Variants in SCN10A observed in about 807,000 individuals in gnomAD.
SCN10A encodes the protein sodium channel protein type 10 subunit alpha.
Under a neutral mutation model 170.7 loss-of-function variants are expected in SCN10A, and 162 were observed. The ratio of observed to expected loss-of-function variants is 0.95; its 90% CI spans 0.84 to 1.08. The LOEUF (loss-of-function observed/expected upper bound fraction) is 1.08. Ranked by LOEUF, SCN10A falls within the 50% of genes least tolerant of loss-of-function variation. The pLI, the probability that SCN10A is intolerant of heterozygous loss-of-function variation, is 0.00. For missense variants in SCN10A, 2,527 were observed against 2,436.9 expected, an observed-to-expected ratio of 1.04 and a Z score of -0.78; for synonymous variants, 985 against 904.6, an observed-to-expected ratio of 1.09 and a Z score of -1.59.
intron 20 of SCN10A, among the ~76,000 whole-genome samples, 167 bp downstream of exon 20, chr3:38,722,091 C>T (rs2063395662): frequency 6.6e-6 from 1 of 152,250 alleles, no homozygotes. Context: ...CCATGCTCTG[C>T]TGCTAAGAGG....
At chr3:38,708,735 G>A (rs1490653228) in intron 25 of SCN10A, among the ~76,000 whole-genome samples, 1 of 152,144 alleles carries the variant, frequency 6.6e-6, no homozygotes, top group Admixed American at 6.5e-5. Flanking sequence ...TTGAATGAAT[G>A]AGAAAACTGA....
chr3:38,812,399 T>A (rs980253094), intron 1 of SCN10A, among the ~76,000 whole-genome samples: 4 of 152,184 alleles, frequency 2.6e-5, no homozygotes, highest in Non-Finnish European at 5.9e-5. Flanking sequence ...AGGTAATGAA[T>A]AAAAATATTA....
chr3:38,752,223 A>G lies in SCN10A; in HGVS notation c.1751T>C (p.Val584Ala). 1.3e-6 allele frequency: 2 copies of G among 1,514,548 alleles called. No individual in the cohort carries two copies. Among genetic ancestry groups the G allele is most frequent in the Non-Finnish European group, 1.8e-6 (2 of 1,130,644 alleles). The allele number at this position is 1,514,548 out of a possible 1,614,324, so 93.8% of individuals were successfully genotyped here. A position where few individuals can be genotyped will look rare whatever the true frequency, so the allele number is the denominator to read the frequency against. Residue 584 changes from valine (V) to alanine (A), a missense_variant, in exon 12 of 28, where the codon GTC becomes GCC. Coordinates refer to ENST00000449082, the MANE Select transcript of SCN10A (RefSeq NM_006514.4). ...TSELAPGAVD[V>A]SAFDAGQKKT... ...CTGAAGCATTCACAAACTCACCGAG[A>G]CATCGACAGCTCCAGGGGCAAGCTC... is the stretch of plus-strand genomic sequence containing the variant.
intron 27 of SCN10A, among the ~76,000 whole-genome samples, chr3:38,700,380 A>G (rs912395638): frequency 2.6e-5 from 4 of 152,208 alleles, no homozygotes; most frequent in African/African-American, 9.6e-5. Context: ...CATAGTCCCT[A>G]TAGTTAGCAA....
chr3:38,711,953 A>G (rs1433961890), intron 23 of SCN10A, among the ~76,000 whole-genome samples: 1 of 152,120 alleles, frequency 6.6e-6, no homozygotes, highest in African/African-American at 2.4e-5. Flanking sequence ...ACTAGCCCAC[A>G]CTTGTGTAAT....
chr3:38,745,541 C>T (rs1010807553), intron 13 of SCN10A, among the ~76,000 whole-genome samples: 1 of 152,164 alleles, frequency 6.6e-6, no homozygotes, highest in African/African-American at 2.4e-5. Flanking sequence ...CTCCCTAGTG[C>T]CATCTTACTA....
chr3:38,726,505 T>G, intron 17 of SCN10A, 101 bp downstream of exon 17: 1 of 955,774 alleles, frequency 1.0e-6, no homozygotes, highest in Non-Finnish European at 1.5e-6. Flanking sequence ...TTAAACTTCT[T>G]TATGTCAAGG....
chr3:38,719,440 C>T (rs946774289), intron 20 of SCN10A, among the ~76,000 whole-genome samples: 1 of 121,738 alleles, frequency 8.2e-6, no homozygotes, highest in South Asian at 3.0e-4. Context: ...GTCGCCCAGG[C>T]TGGAGTGCAG....
At chr3:38,805,453 C>G (rs2064399455) in intron 1 of SCN10A, among the ~76,000 whole-genome samples, 1 of 152,100 alleles carries the variant, frequency 6.6e-6, no homozygotes, top group Non-Finnish European at 1.5e-5. Context: ...CCTGGTTTTG[C>G]AGATGTGACC....
Position 38,715,809 on chromosome 3 carries a change from G to A in SCN10A, c.3682-1729C>T, listed in dbSNP as rs142540598. 8.9e-4 allele frequency among the ~76,000 whole-genome samples: 135 copies of A among 152,338 alleles called. 1 individual carries two copies. The highest frequency in any genetic ancestry group is 1.0e-4 in the Non-Finnish European group (7 of 68,040). On this transcript the variant is annotated intron_variant, in intron 21 of 27. Transcript: ENST00000449082. The stretch of plus-strand genomic sequence containing the variant: ...TATTTCCATGTGTGTCTTGTCTGCT[G>A]AAAGACTAAAGTGTAAGATCCTGGA...
At chr3:38,764,999 T>C (rs921009556) in intron 5 of SCN10A, among the ~76,000 whole-genome samples, 2 of 152,190 alleles carry the variant, frequency 1.3e-5, no homozygotes, top group Admixed American at 6.6e-5. Flanking sequence ...TGGCCATTTA[T>C]ATATCTTCTT....
At chr3:38,781,610 G>A (rs180755356) in intron 4 of SCN10A, among the ~76,000 whole-genome samples, 1 of 152,154 alleles carries the variant, frequency 6.6e-6, no homozygotes, top group East Asian at 1.9e-4. Context: ...ATAACCAGCG[G>A]GATGCAGAAA....
intron 5 of SCN10A, among the ~76,000 whole-genome samples, chr3:38,764,769 T>C (rs1241585446): frequency 6.6e-6 from 1 of 152,248 alleles, no homozygotes; most frequent in African/African-American, 2.4e-5. Flanking sequence ...GTTCTACTTT[T>C]AGTTCTTTAA....
Position 38,712,449 on chromosome 3 carries a change from G to A in SCN10A, c.3805-4C>T. ...CCACCAGGGCATCCACCACCACCTGGTGGGAGATAGAGAAAGACCTGGAAC... is the reference window on the plus strand; with the variant it reads ...CCACCAGGGCATCCACCACCACCTGATGGGAGATAGAGAAAGACCTGGAAC... On this transcript the variant is annotated splice_polypyrimidine_tract_variant and splice_region_variant and intron_variant, in intron 22 of 27. Coordinates refer to ENST00000449082, the MANE Select transcript of SCN10A (RefSeq NM_006514.4). 6.2e-7 allele frequency: 1 copy of A among 1,612,910 alleles called. No homozygotes were observed. The highest frequency in any genetic ancestry group is 8.5e-7 in the Non-Finnish European group (1 of 1,179,152).
At chr3:38,784,883 T>C (rs983561957) in intron 4 of SCN10A, among the ~76,000 whole-genome samples, 2 of 151,880 alleles carry the variant, frequency 1.3e-5, no homozygotes, top group African/African-American at 2.4e-5. Flanking sequence ...CCATTCACAA[T>C]TGCAACAAAG....
At chr3:38,806,308 A>G (rs2064404179) in intron 1 of SCN10A, among the ~76,000 whole-genome samples, 1 of 152,186 alleles carries the variant, frequency 6.6e-6, no homozygotes, top group Admixed American at 6.5e-5. Context: ...CCTCCGTATC[A>G]TCTCTTCCAA....
chr3:38,802,116 TCCTC>T (rs1428846015), intron 1 of SCN10A, among the ~76,000 whole-genome samples: 1 of 152,024 alleles, frequency 6.6e-6, no homozygotes, highest in African/African-American at 2.4e-5. Context: ...CCTCAAATCT[TCCTC>T]CCTTGTGCCA....
intron 1 of SCN10A, among the ~76,000 whole-genome samples, chr3:38,807,200 A>C (rs1220253155): frequency 6.6e-6 from 1 of 152,244 alleles, no homozygotes; most frequent in Non-Finnish European, 1.5e-5. Flanking sequence ...AGAATACTAA[A>C]GTCACTAATG....
intron 4 of SCN10A, among the ~76,000 whole-genome samples, chr3:38,786,027 G>A (rs1220994324): frequency 6.6e-6 from 1 of 152,154 alleles, no homozygotes; most frequent in African/African-American, 2.4e-5. Context: ...TACACTGTTG[G>A]TGGGAGTGTA....
Sources: allele counts gnomAD v4.1 joint callset (sites outside exome capture counted in the v4.1 genomes callset), GRCh38; gene constraint gnomAD v4.1.1; transcripts MANE v1.5; gene names NCBI Gene and HGNC (gene_info 2026-07-23, HGNC 2026-07-21).